Variants in UPF3A observed in about 807,000 individuals in gnomAD.
UPF3A encodes the protein regulator of nonsense transcripts 3A.
Under a neutral mutation model 53.5 loss-of-function variants are expected in UPF3A, and 42 were observed. The observed-to-expected ratio is 0.78, with a 90% CI of 0.61 to 1.01. The LOEUF is 1.01. UPF3A is among the 50% of genes least tolerant of loss of function. The pLI, the probability that UPF3A is intolerant of heterozygous loss-of-function variation, is 0.00. For synonymous variants in UPF3A, 237 were observed against 225.3 expected (o/e 1.05, Z -0.47); for missense variants, 575 against 598.0 (o/e 0.96, Z 0.40).
At chr13:114,283,031 AT>A in intron 3 of UPF3A, 88 bp downstream of exon 3, 1 of 1,077,622 alleles carries the variant, frequency 9.3e-7, no homozygotes, top group Non-Finnish European at 1.3e-6. Context: ...TTAAATTATT[AT>A]TATTTTTTGA....
chr13:114,304,107 C>T (rs1052119677), intron 9 of UPF3A, among the ~76,000 whole-genome samples: 6 of 152,196 alleles, frequency 3.9e-5, no homozygotes, highest in Admixed American at 2.6e-4. Context: ...GAGCGGGAGG[C>T]GCGTGGAGCA....
At chr13:114,296,398 A>G (rs2086027185) in intron 7 of UPF3A, among the ~76,000 whole-genome samples, 2 of 152,240 alleles carry the variant, frequency 1.3e-5, no homozygotes, top group East Asian at 1.9e-4. Context: ...AATAAAAAAA[A>G]TAGACGGGCC....
intron 1 of UPF3A, 47 bp from the exon 2 acceptor site, chr13:114,281,974 C>A (rs1218073583): frequency 6.6e-7 from 1 of 1,517,904 alleles, no homozygotes; most frequent in South Asian, 1.2e-5. Flanking sequence ...TTTTGAGCTC[C>A]TTGTCCACGC....
At chr13:114,284,843 G>A (rs2084512584) in intron 3 of UPF3A, among the ~76,000 whole-genome samples, 2 of 152,174 alleles carry the variant, frequency 1.3e-5, no homozygotes, top group Non-Finnish European at 2.9e-5. Context: ...TTTAGAGATG[G>A]GGTCTCACTA....
At chr13:114,288,684 G>A (rs1001096954) in intron 5 of UPF3A, among the ~76,000 whole-genome samples, 3 of 152,216 alleles carry the variant, frequency 2.0e-5, no homozygotes, top group Admixed American at 6.5e-5. Flanking sequence ...AGATGAGCGT[G>A]TGTTTTGGAG....
rs1464525463 is a variant in UPF3A at position 114,298,905 on chromosome 13, G to A, written c.912G>A (p.Glu304=). Residue 304 remains glutamate (E), a synonymous_variant, in exon 8 of 10, where the codon GAG becomes GAA. Coordinates refer to ENST00000375299, the MANE Select transcript of UPF3A (RefSeq NM_023011.4). ...TTEKPKERGE[E]IDTGGGKQES... is the part of the protein sequence containing the mutation. ...AGAAACCAAAAGAAAGAGGAGAGGA[G>A]ATTGATACTGGAGGTGGCAAGCAGG... 6 of 1,606,180 alleles carry A rather than the reference G, an allele frequency of 3.7e-6. No individual in the cohort carries two copies. In the African/African-American group the frequency reaches 6.7e-5, roughly 18 times the overall value.
chr13:114,290,312 C>T (rs2085146194), intron 5 of UPF3A, among the ~76,000 whole-genome samples: 1 of 152,158 alleles, frequency 6.6e-6, no homozygotes, highest in Non-Finnish European at 1.5e-5. Flanking sequence ...GTCAGGGGTT[C>T]TCAGTTCCAA....
chr13:114,299,865 G>A (rs1411671955), intron 8 of UPF3A, among the ~76,000 whole-genome samples: 2 of 152,270 alleles, frequency 1.3e-5, no homozygotes, highest in Non-Finnish European at 2.9e-5. Flanking sequence ...TAGGTGGGAA[G>A]ACTAATGCGA....
chr13:114,287,243 G>A (rs536164682), intron 5 of UPF3A: 15 of 152,780 alleles, frequency 9.8e-5, no homozygotes, highest in African/African-American at 3.6e-4. Flanking sequence ...ACACCTGGTA[G>A]TGTTTCTCTT....
chr13:114,288,681 C>T (rs907269240), intron 5 of UPF3A, among the ~76,000 whole-genome samples: 14 of 152,030 alleles, frequency 9.2e-5, no homozygotes, highest in Admixed American at 3.9e-4. Flanking sequence ...AAGAGATGAG[C>T]GTGTGTTTTG....
chr13:114,283,762 C>G, intron 3 of UPF3A: 1 of 985,512 alleles, frequency 1.0e-6, no homozygotes, highest in Non-Finnish European at 1.2e-6. Context: ...CTGCTTTCAT[C>G]TTTTTCCTTC....
At chr13:114,294,201 G>T (rs1018623236) in intron 7 of UPF3A, among the ~76,000 whole-genome samples, 6 of 151,782 alleles carry the variant, frequency 4.0e-5, no homozygotes, top group African/African-American at 1.5e-4. Context: ...AAATGCAAAA[G>T]AAGGTGTATC....
intron 5 of UPF3A, among the ~76,000 whole-genome samples, chr13:114,289,522 C>CA (rs144534172): frequency 0.025 from 2,620 of 103,320 alleles, 37 homozygotes; most frequent in African/African-American, 0.037. Flanking sequence ...GACTCCATCT[C>CA]AAAAAAAAAA....
intron 7 of UPF3A, among the ~76,000 whole-genome samples, chr13:114,296,865 AAT>A (rs1274142357): frequency 1.3e-5 from 2 of 152,204 alleles, no homozygotes; most frequent in Non-Finnish European, 2.9e-5. Flanking sequence ...AGGCACACAG[AAT>A]ATTTGTTGAA....
In UPF3A at chr13:114,298,883, A is replaced by T; in HGVS notation, c.890A>T (p.Lys297Ile). The T allele has an allele frequency of 5.0e-6, 8 of 1,597,648 alleles. No homozygotes were observed. The highest frequency in any genetic ancestry group is 6.8e-6 in the Non-Finnish European group (8 of 1,173,578). ...PEKGEEPTTE[K>I]PKERGEEIDT... Reference sequence around the variant, plus strand: ...AAGGGAGAGGAACCAACCACAGAGAAACCAAAAGAAAGAGGAGAGGAGATT... The same window carrying T: ...AAGGGAGAGGAACCAACCACAGAGATACCAAAAGAAAGAGGAGAGGAGATT... Residue 297 changes from lysine (K) to isoleucine (I), a missense_variant, in exon 8 of 10, where the codon AAA (lysine) becomes ATA (isoleucine). Lys to Ile is a moderately radical substitution (Grantham distance 102). Coordinates refer to ENST00000375299, the MANE Select transcript of UPF3A (RefSeq NM_023011.4).
At chr13:114,289,254 G>A (rs1203095015) in intron 5 of UPF3A, among the ~76,000 whole-genome samples, 3 of 152,058 alleles carry the variant, frequency 2.0e-5, no homozygotes, top group East Asian at 3.9e-4. Context: ...GGCCGGGTGC[G>A]GTGGCTCACA....
chr13:114,294,970 G>T (rs1429184692), intron 7 of UPF3A, among the ~76,000 whole-genome samples: 2 of 151,920 alleles, frequency 1.3e-5, no homozygotes, highest in African/African-American at 4.8e-5. Flanking sequence ...AAATTAGCTG[G>T]GCGTGGTGGC....
In UPF3A at chr13:114,281,614, G is replaced by A. The variant is rs1049830273; in HGVS notation, c.-26G>A. 3 of 1,405,984 alleles carry A rather than the reference G, an allele frequency of 2.1e-6. No individual in the cohort carries two copies. The highest frequency in any genetic ancestry group is 1.5e-5 in the African/African-American group (1 of 66,144). 87.1% of individuals were successfully genotyped at this position (1,405,984 alleles called of 1,614,324 possible). On this transcript the variant is annotated 5_prime_UTR_variant, in exon 1 of 10. Coordinates refer to ENST00000375299, the MANE Select transcript of UPF3A (RefSeq NM_023011.4). Reference sequence around the variant, plus strand: ...TCGCGAGGTTTCGTCGGGGGCTGGCGGCTGCGGCTCGGCGGAGAGTGCGGC... The same window carrying A: ...TCGCGAGGTTTCGTCGGGGGCTGGCAGCTGCGGCTCGGCGGAGAGTGCGGC...
chr13:114,295,226 C>T (rs1389058813), intron 7 of UPF3A, among the ~76,000 whole-genome samples: 1 of 152,198 alleles, frequency 6.6e-6, no homozygotes, highest in African/African-American at 2.4e-5. Context: ...TGAACACACA[C>T]AGGCGAGGGC....
Sources: allele counts gnomAD v4.1 joint callset (sites outside exome capture counted in the v4.1 genomes callset), GRCh38; gene constraint gnomAD v4.1.1; transcripts MANE v1.5; gene names NCBI Gene and HGNC (gene_info 2026-07-23, HGNC 2026-07-21).